The following PITPNC1 variants were observed in gnomAD, a reference collection of about 807,000 sequenced individuals.
PITPNC1 encodes cytoplasmic phosphatidylinositol transfer protein 1.
PITPNC1 carries 18 observed loss-of-function variants against 44.7 expected under a neutral mutation model. The ratio of observed to expected loss-of-function variants is 0.40; its 90% CI spans 0.28 to 0.60. The LOEUF (loss-of-function observed/expected upper bound fraction) is 0.60, where lower values mean the gene tolerates loss of function less well. PITPNC1 is among the 20% of genes least tolerant of loss of function. PITPNC1 has a pLI of 0.39. For missense variants in PITPNC1, 290 were observed against 418.4 expected (o/e 0.69, Z 2.68); for synonymous variants, 141 against 149.6 (o/e 0.94, Z 0.42).
At chr17:67,491,884 G>C (rs2039869071) in intron 1 of PITPNC1, among the ~76,000 whole-genome samples, 1 of 152,036 alleles carries the variant, frequency 6.6e-6, no homozygotes, top group Non-Finnish European at 1.5e-5. Context: ...GTTGCTGTGA[G>C]GTTTCTGCAC....
At chr17:67,608,703 T>C (rs2041648199) in intron 5 of PITPNC1, among the ~76,000 whole-genome samples, 1 of 148,712 alleles carries the variant, frequency 6.7e-6, no homozygotes, top group African/African-American at 2.5e-5. Context: ...GAAGTCTTGC[T>C]ATGTTGCCCA....
chr17:67,465,965 TC>T (rs35091447), intron 1 of PITPNC1, among the ~76,000 whole-genome samples: 45,905 of 150,970 alleles, frequency 0.3, 7,240 homozygotes, highest in African/African-American at 0.38. Flanking sequence ...AGAGCTGGTT[TC>T]CCCCCCGTCA....
chr17:67,576,582 C>T (rs2041153004), intron 4 of PITPNC1, among the ~76,000 whole-genome samples: 1 of 152,170 alleles, frequency 6.6e-6, no homozygotes, highest in Non-Finnish European at 1.5e-5. Flanking sequence ...CCGTCAATCC[C>T]ATCTCTGGTG....
intron 1 of PITPNC1, among the ~76,000 whole-genome samples, chr17:67,411,679 T>C (rs1598629293): frequency 6.6e-6 from 1 of 152,182 alleles, no homozygotes; most frequent in East Asian, 1.9e-4. Context: ...CAAGGTAACG[T>C]TATGATTGGT....
At chr17:67,559,068 C>T (rs149886540) in intron 4 of PITPNC1, among the ~76,000 whole-genome samples, 63 of 152,260 alleles carry the variant, frequency 4.1e-4, no homozygotes, top group Middle Eastern at 3.4e-3. Context: ...CAGTCTGGGC[C>T]TTATCAAGCT....
intron 1 of PITPNC1, among the ~76,000 whole-genome samples, chr17:67,423,720 T>C (rs538189064): frequency 1.3e-5 from 2 of 152,136 alleles, no homozygotes; most frequent in African/African-American, 4.8e-5. Context: ...AAAGGACAAA[T>C]GGAAGAAAGT....
intron 1 of PITPNC1, among the ~76,000 whole-genome samples, chr17:67,440,514 ATT>A (rs1202682065): frequency 6.8e-6 from 1 of 147,272 alleles, no homozygotes; most frequent in East Asian, 2.0e-4. Context: ...TTATTTATTT[ATT>A]TATTTATTTA....
chr17:67,587,693 G>A (rs2041338206), intron 5 of PITPNC1, among the ~76,000 whole-genome samples: 1 of 152,098 alleles, frequency 6.6e-6, no homozygotes, highest in Admixed American at 6.5e-5. Flanking sequence ...TTATTCCTTG[G>A]TTAAGACTAA....
At chr17:67,575,510 G>A (rs1420568326) in intron 4 of PITPNC1, among the ~76,000 whole-genome samples, 2 of 152,184 alleles carry the variant, frequency 1.3e-5, no homozygotes, top group East Asian at 1.9e-4. Context: ...CGTGCTGAAC[G>A]CGTCCTGGCA....
At chr17:67,420,632 A>G (rs980688259) in intron 1 of PITPNC1, among the ~76,000 whole-genome samples, 2 of 151,674 alleles carry the variant, frequency 1.3e-5, no homozygotes, top group East Asian at 1.9e-4. Context: ...GGGTTTTGCT[A>G]TGTTGGCCAG....
At chr17:67,562,791 G>A (rs1324380455) in intron 4 of PITPNC1, among the ~76,000 whole-genome samples, 1 of 152,174 alleles carries the variant, frequency 6.6e-6, no homozygotes, top group Non-Finnish European at 1.5e-5. Context: ...TGAAATTGAT[G>A]TGTGTATTAA....
At chr17:67,431,002 A>G (rs536255293) in intron 1 of PITPNC1, among the ~76,000 whole-genome samples, 1 of 149,526 alleles carries the variant, frequency 6.7e-6, no homozygotes, top group Admixed American at 6.7e-5. Flanking sequence ...GAAGTTCATT[A>G]TGTGTTTCCA....
intron 6 of PITPNC1, among the ~76,000 whole-genome samples, chr17:67,667,915 G>A (rs1259045649): frequency 6.6e-6 from 1 of 152,164 alleles, no homozygotes; most frequent in Non-Finnish European, 1.5e-5. Context: ...AGGAGGCAGA[G>A]GTTGGGGTGA....
intron 2 of PITPNC1, among the ~76,000 whole-genome samples, chr17:67,537,993 C>T (rs1358795882): frequency 1.3e-5 from 2 of 150,344 alleles, no homozygotes; most frequent in Non-Finnish European, 3.0e-5. Context: ...AAAAAAAGAA[C>T]TGGAGGAGAT....
intron 1 of PITPNC1, among the ~76,000 whole-genome samples, chr17:67,477,718 A>T (rs1260704044): frequency 6.6e-6 from 1 of 152,032 alleles, no homozygotes; most frequent in Non-Finnish European, 1.5e-5. Flanking sequence ...TTTAATTTTT[A>T]CCATTCAGAC....
intron 2 of PITPNC1, among the ~76,000 whole-genome samples, chr17:67,533,862 C>A (rs927598469): frequency 4.6e-5 from 7 of 152,014 alleles, no homozygotes; most frequent in African/African-American, 7.3e-5. Context: ...ATTCTTTAAT[C>A]TCTTGCTTTT....
At chr17:67,502,864 C>T (rs2040053491) in intron 1 of PITPNC1, among the ~76,000 whole-genome samples, 6 of 151,994 alleles carry the variant, frequency 3.9e-5, no homozygotes. Context: ...GCGATCTTGG[C>T]TCCTCTGCAA....
Position 67,676,291 on chromosome 17 carries a change from T to A in PITPNC1, c.682+749T>A, listed in dbSNP as rs1212449140. On this transcript the variant is annotated intron_variant, in intron 8 of 8. Coordinates refer to ENST00000581322, the MANE Select transcript of PITPNC1 (RefSeq NM_012417.4). The surrounding 1 kb of genome is among the most constrained non-coding windows in gnomAD (Gnocchi z 4.0). ...AAGAATTTAAGGGCAGACAGAGGCA[T>A]AGGTGCCCCGTTCATCCTAATTGAA... Among the ~76,000 whole-genome samples, 1 of 152,108 alleles carries A rather than the reference T, an allele frequency of 6.6e-6. No homozygotes were observed. The highest frequency in any genetic ancestry group is 1.5e-5 in the Non-Finnish European group (1 of 68,010).
At chr17:67,652,424 T>C (rs929231155) in intron 6 of PITPNC1, among the ~76,000 whole-genome samples, 1 of 151,898 alleles carries the variant, frequency 6.6e-6, no homozygotes, top group Non-Finnish European at 1.5e-5. Context: ...TCCTATAGAG[T>C]GGACGCCTTC....
Sources: gnomAD v4.1 joint callset for allele counts (sites outside exome capture counted in the v4.1 genomes callset) on GRCh38, gnomAD v4.1.1 for gene constraint, Gnocchi (gnomAD v3.1) non-coding constraint, MANE v1.5 for transcripts, NCBI Gene and HGNC (gene_info 2026-07-23, HGNC 2026-07-21) for gene names.